The following TRIOBP variants were observed in gnomAD, a reference collection of about 807,000 sequenced individuals.
The protein encoded by TRIOBP is TRIO and F-actin binding protein.
Under a neutral mutation model 238.8 loss-of-function variants are expected in TRIOBP, and 169 were observed. The observed-to-expected ratio is 0.71, with a 90% CI of 0.62 to 0.80. TRIOBP has a LOEUF of 0.80. Among genes scored for constraint, TRIOBP ranks in the 30% least tolerant of loss-of-function variants. The pLI is 0.00. For missense variants in TRIOBP, 2,838 were observed against 3,122.6 expected, an observed-to-expected ratio of 0.91 and a Z score of 2.17; for synonymous variants, 1,150 against 1,274.4, an observed-to-expected ratio of 0.90 and a Z score of 2.08.
At chr22:37,740,522 A>C (rs1924880652) in intron 10 of TRIOBP, among the ~76,000 whole-genome samples, 1 of 152,048 alleles carries the variant, frequency 6.6e-6, no homozygotes, top group South Asian at 2.1e-4. Flanking sequence ...ACATCTTTCG[A>C]TATTTCAAGA....
At chr22:37,713,539 C>A in intron 5 of TRIOBP, 128 bp downstream of exon 5, 1 of 1,214,832 alleles carries the variant, frequency 8.2e-7, no homozygotes, top group Non-Finnish European at 1.2e-6. Flanking sequence ...TCCTCTGGAC[C>A]ATTAGCTGGC....
intron 7 of TRIOBP, among the ~76,000 whole-genome samples, chr22:37,728,549 T>C (rs1250810636): frequency 1.3e-5 from 2 of 151,850 alleles, no homozygotes; most frequent in Non-Finnish European, 2.9e-5. Context: ...AGTATAATTC[T>C]TTCTTTGGCC....
chr22:37,749,439 G>A (rs1051380500), intron 11 of TRIOBP, among the ~76,000 whole-genome samples: 2 of 152,100 alleles, frequency 1.3e-5, no homozygotes, highest in Non-Finnish European at 2.9e-5. Context: ...CCGCCAGCCC[G>A]AGGGTGTGTA....
chr22:37,740,035 G>A (rs890582977), intron 10 of TRIOBP, among the ~76,000 whole-genome samples: 4 of 151,672 alleles, frequency 2.6e-5, no homozygotes, highest in African/African-American at 9.7e-5. Context: ...CAGGTGAGTC[G>A]GAGCGCCATC....
chr22:37,751,881 C>G (rs1243667935), intron 12 of TRIOBP, 53 bp downstream of exon 12: 16 of 1,603,560 alleles, frequency 1.0e-5, no homozygotes, highest in Non-Finnish European at 1.3e-5. Context: ...GCTGCTGGGC[C>G]CCTGGGCAGC....
chr22:37,704,338 G>A (rs1922812886), intron 3 of TRIOBP, among the ~76,000 whole-genome samples: 1 of 151,690 alleles, frequency 6.6e-6, no homozygotes, highest in Non-Finnish European at 1.5e-5. Flanking sequence ...AGCCGTGATC[G>A]CATTACTGTA....
intron 3 of TRIOBP, among the ~76,000 whole-genome samples, chr22:37,709,909 C>T (rs938233799): frequency 1.3e-5 from 2 of 152,250 alleles, no homozygotes; most frequent in Non-Finnish European, 2.9e-5. Flanking sequence ...ATCTCCTCTA[C>T]CATCAAACTG....
chr22:37,730,961 A>G (rs1368086859), intron 7 of TRIOBP, among the ~76,000 whole-genome samples: 2 of 151,658 alleles, frequency 1.3e-5, no homozygotes, highest in Non-Finnish European at 2.9e-5. Context: ...AAAAAAAAAA[A>G]AAAAAAGTTA....
intron 3 of TRIOBP, among the ~76,000 whole-genome samples, chr22:37,706,744 T>C (rs1922959716): frequency 6.9e-6 from 1 of 144,264 alleles, no homozygotes; most frequent in Non-Finnish European, 1.5e-5. Flanking sequence ...ACTGTGATCA[T>C]GCCACTGCCA....
chr22:37,704,786 G>A (rs931366077), intron 3 of TRIOBP, among the ~76,000 whole-genome samples: 2 of 151,340 alleles, frequency 1.3e-5, no homozygotes, highest in Admixed American at 6.6e-5. Flanking sequence ...GGCAGCTCAC[G>A]CCTGTAATCC....
At chr22:37,727,539 G>A (rs1924233846) in intron 7 of TRIOBP, among the ~76,000 whole-genome samples, 1 of 151,988 alleles carries the variant, frequency 6.6e-6, no homozygotes, top group Non-Finnish European at 1.5e-5. Flanking sequence ...ATGGTGGCGG[G>A]CGCCTGTAGT....
At chr22:37,765,883 C>G in intron 18 of TRIOBP, 66 bp downstream of exon 18, 1 of 1,511,716 alleles carries the variant, frequency 6.6e-7, no homozygotes, top group Non-Finnish European at 8.8e-7. Flanking sequence ...TCCTCCTAGC[C>G]AAACTGGGGA....
chr22:37,763,462 T>C (rs188384535), intron 17 of TRIOBP, among the ~76,000 whole-genome samples: 1 of 152,226 alleles, frequency 6.6e-6, no homozygotes. Context: ...CCCTCGCTCC[T>C]CCATCAAATC....
At chr22:37,727,397 G>A (rs5756796) in intron 7 of TRIOBP, among the ~76,000 whole-genome samples, 4 of 151,712 alleles carry the variant, frequency 2.6e-5, no homozygotes, top group Non-Finnish European at 5.9e-5. Context: ...GGCCGGGCAC[G>A]GTGGCTCATG....
At chr22:37,706,390 C>T (rs1922945912) in intron 3 of TRIOBP, among the ~76,000 whole-genome samples, 1 of 152,076 alleles carries the variant, frequency 6.6e-6, no homozygotes, top group Non-Finnish European at 1.5e-5. Flanking sequence ...TGAGAACAGG[C>T]CTGGGTGGAG....
rs760650937 is a variant in TRIOBP at position 37,701,384 on chromosome 22, GA to G, written c.20del (p.Asp7ValfsTer112). 1 of 1,613,546 alleles carries G rather than the reference GA, an allele frequency of 6.2e-7. No individual in the cohort carries two copies. The highest frequency in any genetic ancestry group is 1.1e-5 in the South Asian group (1 of 90,818). On this transcript the variant is annotated frameshift_variant, in exon 3 of 24. Coordinates refer to ENST00000644935, the MANE Select transcript of TRIOBP (RefSeq NM_001039141.3). LOFTEE classifies it high-confidence loss of function. MEEVPG[D>X]ALCEHFEANI... is the part of the protein sequence containing the mutation. Reference sequence around the variant, plus strand: ...ACCCAATATGGAGGAGGTGCCTGGGGATGCCCTGTGTGAACACTTTGAGGCC... The same window carrying G: ...ACCCAATATGGAGGAGGTGCCTGGGGTGCCCTGTGTGAACACTTTGAGGCC...
chr22:37,757,820 T>C lies in TRIOBP; in HGVS notation c.5895T>C (p.Thr1965=). The C allele has an allele frequency of 6.5e-7, 1 of 1,548,988 alleles. No homozygotes were observed. Among genetic ancestry groups the C allele is most frequent in the Non-Finnish European group, 8.7e-7 (1 of 1,145,966 alleles). Residue 1965 remains threonine, a synonymous_variant, in exon 16 of 24, where the codon ACT becomes ACC. Coordinates refer to ENST00000644935, the MANE Select transcript of TRIOBP (RefSeq NM_001039141.3). ...SPQRARTPAR[T]PDRLAKQEEL... is the part of the protein sequence containing the mutation. ...AGCGGGCCCGCACCCCAGCCCGCACTCCTGACCGCCTGGCCAAGCAGGAGG... is the reference window on the plus strand; with the variant it reads ...AGCGGGCCCGCACCCCAGCCCGCACCCCTGACCGCCTGGCCAAGCAGGAGG...
At chr22:37,750,168 C>T (rs574111686) in intron 11 of TRIOBP, among the ~76,000 whole-genome samples, 4 of 152,174 alleles carry the variant, frequency 2.6e-5, no homozygotes, top group Non-Finnish European at 4.4e-5. Context: ...GGGGATGTGA[C>T]TTAGGAAGGT....
At position 37,759,232 on chromosome 22, in the gene TRIOBP, G is replaced by T; in HGVS notation, c.6292G>T (p.Asp2098Tyr). ...TCAGAGTGCACTGAGATCCCAGGAGGATGGCCACATCCCCCCGGGCTACAT... is the reference window on the plus strand; with the variant it reads ...TCAGAGTGCACTGAGATCCCAGGAGTATGGCCACATCCCCCCGGGCTACAT... ...APQSALRSQE[D>Y]GHIPPGYISQ... Residue 2098 changes from aspartate to tyrosine, a missense_variant, in exon 17 of 24, where the codon GAT (aspartate) becomes TAT (tyrosine). By Grantham distance (160) the Asp-to-Tyr change is radical. Coordinates refer to ENST00000644935, the MANE Select transcript of TRIOBP (RefSeq NM_001039141.3). 6.2e-7 allele frequency: 1 copy of T among 1,613,096 alleles called. No individual in the cohort carries two copies. Among genetic ancestry groups the T allele is most frequent in the Non-Finnish European group, 8.5e-7 (1 of 1,179,994 alleles).
Sources: allele counts gnomAD v4.1 joint callset (sites outside exome capture counted in the v4.1 genomes callset), GRCh38; gene constraint gnomAD v4.1.1; transcripts MANE v1.5; gene names NCBI Gene and HGNC (gene_info 2026-07-23, HGNC 2026-07-21).